The following GABRR1 variants were observed in gnomAD, a reference collection of about 807,000 sequenced individuals.
GABRR1 encodes gamma-aminobutyric acid receptor subunit rho-1.
Under a neutral mutation model 55.5 loss-of-function variants are expected in GABRR1, and 59 were observed. That is an observed-to-expected ratio of 1.06 (90% confidence interval 0.86 to 1.32). The LOEUF (loss-of-function observed/expected upper bound fraction) is 1.32, where lower values mean the gene tolerates loss of function less well. GABRR1 is among the 40% of genes most tolerant of loss of function. The pLI is 0.00. For synonymous variants in GABRR1, 213 were observed against 226.0 expected (o/e 0.94, Z 0.51); for missense variants, 602 against 619.1 (o/e 0.97, Z 0.29).
intron 5 of GABRR1, 90 bp downstream of exon 5, chr6:89,197,930 A>G: frequency 9.6e-7 from 1 of 1,043,998 alleles, no homozygotes; most frequent in Non-Finnish European, 1.5e-6. Context: ...GAAAAGTTAG[A>G]AAGTAGACAT....
At chr6:89,198,469 G>T (rs556456019) in intron 4 of GABRR1, among the ~76,000 whole-genome samples, 1 of 152,000 alleles carries the variant, frequency 6.6e-6, no homozygotes, top group Admixed American at 6.5e-5. Flanking sequence ...AGCAGACAGT[G>T]TAAGTGTGCC....
intron 1 of GABRR1, among the ~76,000 whole-genome samples, chr6:89,230,578 G>A (rs1173006149): frequency 6.6e-6 from 1 of 152,292 alleles, no homozygotes; most frequent in East Asian, 1.9e-4. Flanking sequence ...GCTGCTCGGG[G>A]GTCAGGGGTC....
chr6:89,217,454 A>G, upstream of GABRR1: 2 of 1,019,452 alleles, frequency 2.0e-6, no homozygotes, highest in South Asian at 3.5e-5. Flanking sequence ...AAATCAACCC[A>G]CAGGATGCAA....
chr6:89,198,372 G>C, intron 4 of GABRR1, 129 bp from the exon 5 acceptor site: 1 of 494,844 alleles, frequency 2.0e-6, no homozygotes, highest in Non-Finnish European at 3.8e-6. Context: ...TTTGCTTCTA[G>C]TCTCCAGAGT....
intron 1 of GABRR1, among the ~76,000 whole-genome samples, chr6:89,214,550 A>C (rs1033129827): frequency 3.9e-5 from 6 of 152,180 alleles, no homozygotes; most frequent in African/African-American, 1.4e-4. Context: ...CAAACAACTC[A>C]ATAGCAAGAA....
chr6:89,182,119 T>G, intron 7 of GABRR1, 62 bp from the exon 8 acceptor site: 1 of 1,557,272 alleles, frequency 6.4e-7, no homozygotes, highest in Non-Finnish European at 8.8e-7. Flanking sequence ...CACATTTTAT[T>G]CAGGAAATTG....
chr6:89,208,701 C>G (rs1025160488), intron 1 of GABRR1, among the ~76,000 whole-genome samples: 1 of 152,270 alleles, frequency 6.6e-6, no homozygotes, highest in Admixed American at 6.5e-5. Flanking sequence ...GCCTGCTGGT[C>G]TGCCCTGCAG....
Position 89,182,069 on chromosome 6 carries a change from AG to A in GABRR1, c.797-13del. ...ACGGTTGTACCAGCCTGGGGGACAC[AG>A]GAATAAAAGACAGTACACATCATGG... On this transcript the variant is annotated splice_polypyrimidine_tract_variant and intron_variant, in intron 7 of 9. Coordinates refer to ENST00000454853, the MANE Select transcript of GABRR1 (RefSeq NM_002042.5). 1 of 1,613,844 alleles carries A rather than the reference AG, an allele frequency of 6.2e-7. No individual in the cohort carries two copies. The highest frequency in any genetic ancestry group is 1.1e-5 in the South Asian group (1 of 91,026).
In GABRR1 at chr6:89,190,151, A is replaced by C. The variant is rs748003204; in HGVS notation, c.655+14T>G. ...AGGAGCTGTGTGCTGATGCCCGGGG[A>C]CAAGTCTACTCACAGCTTTCAATTT... On this transcript the variant is annotated intron_variant, in intron 6 of 9. Coordinates refer to ENST00000454853, the MANE Select transcript of GABRR1 (RefSeq NM_002042.5). 1.5e-5 allele frequency: 24 copies of C among 1,592,856 alleles called. No individual in the cohort carries two copies. Among genetic ancestry groups the C allele is most frequent in the Middle Eastern group, 1.7e-4 (1 of 6,040 alleles).
In GABRR1 at chr6:89,198,176, T is replaced by G; in HGVS notation, c.416A>C (p.Asn139Thr). The G allele has an allele frequency of 6.2e-7, 1 of 1,614,070 alleles. No individual in the cohort carries two copies. The highest frequency in any genetic ancestry group is 8.5e-7 in the Non-Finnish European group (1 of 1,179,998). ...KDERLSFPST[N>T]NLSMTFDGRL... The stretch of plus-strand genomic sequence containing the variant: ...GCCGTCAAACGTCATGCTGAGGTTG[T>G]TGGTGCTTGGAAAAGACAGCCTCTC... The change falls in exon 5 of 10, where the codon AAC becomes ACC. Residue 139 changes from asparagine (N) to threonine (T), a missense_variant. Around this residue, in one of 3 missense-constraint regions of GABRR1, gnomAD observed 435 missense variants for 424.2 expected, o/e 1.03. Coordinates refer to ENST00000454853, the MANE Select transcript of GABRR1 (RefSeq NM_002042.5).
intron 5 of GABRR1, among the ~76,000 whole-genome samples, chr6:89,192,484 T>C (rs1312173861): frequency 2.6e-5 from 4 of 151,950 alleles, no homozygotes; most frequent in Non-Finnish European, 5.9e-5. Context: ...ATGCCCACAA[T>C]GCTTTCCCGA....
chr6:89,230,617 G>A (rs576272688), intron 1 of GABRR1, among the ~76,000 whole-genome samples: 23 of 152,026 alleles, frequency 1.5e-4, no homozygotes, highest in African/African-American at 4.6e-4. Context: ...GCAGTCTGCC[G>A]GTTCTCAGAT....
chr6:89,207,388 T>A (rs909423614), intron 1 of GABRR1, among the ~76,000 whole-genome samples: 1 of 152,020 alleles, frequency 6.6e-6, no homozygotes, highest in South Asian at 2.1e-4. Flanking sequence ...GGAGTTGGGG[T>A]TTTGCCATGT....
At chr6:89,208,570 T>A (rs1462808482) in intron 1 of GABRR1, among the ~76,000 whole-genome samples, 5 of 152,210 alleles carry the variant, frequency 3.3e-5, no homozygotes, top group Non-Finnish European at 5.9e-5. Context: ...GGAGCCCCCA[T>A]CCAGTCAGTT....
intron 1 of GABRR1, among the ~76,000 whole-genome samples, chr6:89,206,435 T>TA (rs1238956011): frequency 1.3e-5 from 2 of 152,124 alleles, no homozygotes; most frequent in African/African-American, 4.8e-5. Context: ...TCATTCTTCA[T>TA]ACCCTTTGTT....
intron 1 of GABRR1, among the ~76,000 whole-genome samples, chr6:89,204,952 C>G (rs578247977): frequency 6.6e-6 from 1 of 151,928 alleles, no homozygotes; most frequent in Admixed American, 6.6e-5. Context: ...AATTTTTTTG[C>G]GTCATTGGCA....
rs1772027574 is a variant in GABRR1 at position 89,189,737 on chromosome 6, AG to A, written c.655+427del. Among the ~76,000 whole-genome samples, 2 of 152,142 alleles carry A rather than the reference AG, an allele frequency of 1.3e-5. 1 individual carries two copies. Among genetic ancestry groups the A allele is most frequent in the South Asian group, 4.1e-4 (2 of 4,834 alleles). On this transcript the variant is annotated intron_variant, in intron 6 of 9. Transcript: ENST00000454853. The stretch of plus-strand genomic sequence containing the variant: ...TGTTCCTGATATTTAAAATTACCCT[AG>A]ACCTAGCTTCAATCTAACACATTAC...
Position 89,180,447 on chromosome 6 carries a change from C to G in GABRR1, c.991G>C (p.Val331Leu). 3 of 1,613,988 alleles carry G rather than the reference C, an allele frequency of 1.9e-6. No individual in the cohort carries two copies. The highest frequency in any genetic ancestry group is 2.5e-6 in the Non-Finnish European group (3 of 1,179,934). ...VLTMSTIITG[V>L]NASMPRVSYI... ...GAGACGCGCGGCATGGAGGCATTCACGCCCGTGATGATGGTGGACATGGTC... is the reference window on the plus strand; with the variant it reads ...GAGACGCGCGGCATGGAGGCATTCAGGCCCGTGATGATGGTGGACATGGTC... The change falls in exon 9 of 10, where the codon GTG becomes CTG. Residue 331 changes from valine (V) to leucine (L), a missense_variant. By Grantham distance (32) the Val-to-Leu change is conservative. Transcript: ENST00000454853.
intron 1 of GABRR1, among the ~76,000 whole-genome samples, chr6:89,209,145 C>T (rs531249208): frequency 2.0e-5 from 3 of 146,412 alleles, no homozygotes; most frequent in South Asian, 2.1e-4. Flanking sequence ...ATCCAAGTTG[C>T]GGGCTTAAAA....
Sources: allele counts gnomAD v4.1 joint callset (sites outside exome capture counted in the v4.1 genomes callset), GRCh38; gene constraint gnomAD v4.1.1; regional missense constraint gnomAD v4.1.1; transcripts MANE v1.5; gene names NCBI Gene and HGNC (gene_info 2026-07-23, HGNC 2026-07-21).